The following SLC25A21 variants were observed in gnomAD, a reference collection of about 807,000 sequenced individuals.
SLC25A21 encodes the protein solute carrier family 25 member 21, also known as mitochondrial 2-oxodicarboxylate carrier.
Under a neutral mutation model 43.8 loss-of-function variants are expected in SLC25A21, and 47 were observed. The observed-to-expected ratio is 1.07, with a 90% confidence interval of 0.85 to 1.37. SLC25A21 has a LOEUF of 1.37. Among genes scored for constraint, SLC25A21 ranks in the 40% most tolerant of loss-of-function variants. SLC25A21 has a pLI of 0.00. For missense variants in SLC25A21, 352 were observed against 350.2 expected (o/e 1.00, Z -0.04); for synonymous variants, 131 against 121.3 (o/e 1.08, Z -0.52).
chr14:37,153,165 G>T (rs2138937171), intron 1 of SLC25A21, among the ~76,000 whole-genome samples: 1 of 152,312 alleles, frequency 6.6e-6, no homozygotes, highest in Non-Finnish European at 1.5e-5. Flanking sequence ...ACAGGAAGTT[G>T]ATGGGAGACG....
chr14:36,828,052 T>G (rs848063), intron 2 of SLC25A21, among the ~76,000 whole-genome samples: 145,962 of 152,172 alleles, frequency 0.96, 70,294 homozygotes, highest in East Asian at 1. Flanking sequence ...TGTGTCTCAA[T>G]GTGACTCACA....
intron 2 of SLC25A21, among the ~76,000 whole-genome samples, chr14:36,842,685 A>T (rs1889422201): frequency 6.6e-6 from 1 of 152,188 alleles, no homozygotes; most frequent in Non-Finnish European, 1.5e-5. Context: ...GGAGAAGATC[A>T]CCACCTTTGA....
intron 1 of SLC25A21, among the ~76,000 whole-genome samples, chr14:36,884,276 G>A (rs1424805957): frequency 3.3e-5 from 5 of 152,092 alleles, no homozygotes; most frequent in South Asian, 2.1e-4. Flanking sequence ...TTAGCATGAC[G>A]TCCTCTGGGT....
At chr14:37,164,193 G>A (rs1369337440) in intron 1 of SLC25A21, among the ~76,000 whole-genome samples, 2 of 152,146 alleles carry the variant, frequency 1.3e-5, no homozygotes, top group African/African-American at 2.4e-5. Context: ...AATGTGGTAT[G>A]CAACTCATAT....
intron 1 of SLC25A21, among the ~76,000 whole-genome samples, chr14:37,112,014 G>C (rs1199337573): frequency 1.3e-5 from 2 of 152,132 alleles, no homozygotes; most frequent in Non-Finnish European, 2.9e-5. Context: ...AGGTACTAGA[G>C]GTATAGCTGT....
Position 37,172,198 on chromosome 14 carries a change from G to C in SLC25A21, c.70+83C>G, listed in dbSNP as rs909848638. 2.9e-6 allele frequency: 4 copies of C among 1,376,772 alleles called. No homozygotes were observed. In the African/African-American group the frequency reaches 4.3e-5, roughly 15 times the overall value. The allele number at this position is 1,376,772 out of a possible 1,614,324, so 85.3% of individuals were successfully genotyped here. On this transcript the variant is annotated intron_variant, in intron 1 of 9. Transcript: ENST00000331299. ...GAGGAAGAGGGCAGAACTTCAGTAA[G>C]GAGACCTGTCTGGGCAACGGTTTCA...
rs1384091799 is a variant in SLC25A21, at chr14:37,079,350, A to C, written c.70+92931T>G. ...TCCCTACCTCTCACCCCCACCCCCA[A>C]GGTTTTCCCTAATGCTCCTTGTCTT... On this transcript the variant is annotated intron_variant, in intron 1 of 9. Transcript: ENST00000331299. Among the ~76,000 whole-genome samples the C allele has an allele frequency of 5.3e-5, 8 of 152,198 alleles. No individual in the cohort carries two copies. In the East Asian group the frequency reaches 1.2e-3, roughly 22 times the overall value.
At chr14:36,757,405 ACT>A (rs1885975639) in intron 3 of SLC25A21, among the ~76,000 whole-genome samples, 1 of 151,994 alleles carries the variant, frequency 6.6e-6, no homozygotes, top group Non-Finnish European at 1.5e-5. Flanking sequence ...ATTTCTAAAC[ACT>A]CTCAATTTCT....
chr14:37,035,984 T>G (rs539930944), intron 1 of SLC25A21, among the ~76,000 whole-genome samples: 1 of 152,356 alleles, frequency 6.6e-6, no homozygotes, highest in East Asian at 1.9e-4. Context: ...ACGGGAAGTT[T>G]AAAAATCTCT....
chr14:36,852,962 A>C (rs570848568), intron 2 of SLC25A21, among the ~76,000 whole-genome samples: 1 of 152,262 alleles, frequency 6.6e-6, no homozygotes. Flanking sequence ...GAACATTTAA[A>C]ATCTGCTAGA....
intron 1 of SLC25A21, among the ~76,000 whole-genome samples, chr14:36,983,992 G>T (rs1399893228): frequency 6.6e-6 from 1 of 152,134 alleles, no homozygotes; most frequent in Admixed American, 6.5e-5. Context: ...ACTCCAAAAG[G>T]GTGAAGGGAG....
intron 3 of SLC25A21, among the ~76,000 whole-genome samples, chr14:36,785,823 T>C (rs576575497): frequency 5.3e-5 from 8 of 152,308 alleles, no homozygotes; most frequent in African/African-American, 1.2e-4. Context: ...TGAGCTCTCA[T>C]TTCTGTAATG....
intron 3 of SLC25A21, among the ~76,000 whole-genome samples, chr14:36,774,264 T>C (rs1050936964): frequency 6.6e-6 from 1 of 152,236 alleles, no homozygotes; most frequent in South Asian, 2.1e-4. Flanking sequence ...ATGCTAGTGG[T>C]CTAATCAATT....
intron 1 of SLC25A21, among the ~76,000 whole-genome samples, chr14:36,887,593 G>T (rs1326573803): frequency 6.6e-6 from 1 of 150,922 alleles, no homozygotes; most frequent in African/African-American, 2.4e-5. Context: ...AATTGTTCAT[G>T]CTGACCAGCA....
At chr14:36,736,092 C>T (rs1244863740) in intron 3 of SLC25A21, among the ~76,000 whole-genome samples, 6 of 151,692 alleles carry the variant, frequency 4.0e-5, no homozygotes, top group Non-Finnish European at 8.8e-5. Context: ...CCCGCCACCA[C>T]GCCCGGCTAA....
At chr14:37,151,545 A>G (rs1379499217) in intron 1 of SLC25A21, among the ~76,000 whole-genome samples, 1 of 152,234 alleles carries the variant, frequency 6.6e-6, no homozygotes, top group East Asian at 1.9e-4. Flanking sequence ...TGTGGTATTT[A>G]ACATAACCAG....
At chr14:36,971,405 T>C (rs1383458936) in intron 1 of SLC25A21, among the ~76,000 whole-genome samples, 1 of 152,130 alleles carries the variant, frequency 6.6e-6, no homozygotes, top group Non-Finnish European at 1.5e-5. Context: ...GCCAGCCATG[T>C]GTACAGTAGG....
chr14:36,980,804 C>T (rs568417524), intron 1 of SLC25A21, among the ~76,000 whole-genome samples: 1 of 152,242 alleles, frequency 6.6e-6, no homozygotes, highest in African/African-American at 2.4e-5. Context: ...GACTAAAACA[C>T]CAAAAGCAAT....
chr14:36,968,110 G>C (rs1320435086), intron 1 of SLC25A21, among the ~76,000 whole-genome samples: 2 of 152,174 alleles, frequency 1.3e-5, no homozygotes, highest in African/African-American at 2.4e-5. Flanking sequence ...TAGTAGAAGA[G>C]AGCTTGGCAA....
Sources: allele counts gnomAD v4.1 joint callset (sites outside exome capture counted in the v4.1 genomes callset), GRCh38; gene constraint gnomAD v4.1.1; transcripts MANE v1.5; gene names NCBI Gene and HGNC (gene_info 2026-07-23, HGNC 2026-07-21).